The following ASCC1 variants were observed in gnomAD, a reference collection of about 807,000 sequenced individuals.
The protein encoded by ASCC1 is ASC-1 complex subunit P50.
A neutral mutation model predicts 46.6 loss-of-function variants in ASCC1; 35 were observed. That is an observed-to-expected ratio of 0.75 (90% CI 0.57 to 0.99). The LOEUF is 0.99. Among genes scored for constraint, ASCC1 ranks in the 50% least tolerant of loss-of-function variants. ASCC1 has a pLI of 0.00. For synonymous variants in ASCC1, 143 were observed against 146.6 expected, an observed-to-expected ratio of 0.98 and a Z score of 0.18; for missense variants, 376 against 428.7, an observed-to-expected ratio of 0.88 and a Z score of 1.09.
intron 9 of ASCC1, among the ~76,000 whole-genome samples, chr10:72,107,142 G>A (rs182935767): frequency 3.1e-3 from 475 of 151,596 alleles, no homozygotes; most frequent in African/African-American, 0.011. Context: ...TGACTTCAGG[G>A]AGCAAACAGA....
intron 7 of ASCC1, among the ~76,000 whole-genome samples, chr10:72,145,998 G>GAAAAT (rs1411074347): frequency 6.6e-6 from 1 of 152,152 alleles, no homozygotes; most frequent in East Asian, 1.9e-4. Flanking sequence ...CATTCTATTG[G>GAAAAT]AAAATAATGC....
At chr10:72,144,971 TCA>T (rs1847462690) in intron 7 of ASCC1, among the ~76,000 whole-genome samples, 1 of 152,228 alleles carries the variant, frequency 6.6e-6, no homozygotes, top group African/African-American at 2.4e-5. Context: ...TGTGGTTATC[TCA>T]CAGTGGTAAA....
At chr10:72,134,464 A>G (rs1176335589) in intron 7 of ASCC1, 1 of 152,234 alleles carries the variant, frequency 6.6e-6, no homozygotes, top group African/African-American at 2.4e-5. Flanking sequence ...ATAACAAAAA[A>G]CAACCCTCGG....
At chr10:72,178,415 G>A (rs1852136297) in intron 5 of ASCC1, among the ~76,000 whole-genome samples, 2 of 152,196 alleles carry the variant, frequency 1.3e-5, no homozygotes, top group South Asian at 4.1e-4. Flanking sequence ...CCCATGAGCT[G>A]TTTAAAAAGC....
At chr10:72,119,690 C>A (rs938373698) in intron 9 of ASCC1, among the ~76,000 whole-genome samples, 2 of 148,862 alleles carry the variant, frequency 1.3e-5, no homozygotes, top group Non-Finnish European at 1.5e-5. Flanking sequence ...CCAGATTCAA[C>A]AAAAAATTAC....
chr10:72,213,119 C>G, intron 2 of ASCC1, 68 bp downstream of exon 2: 1 of 1,151,226 alleles, frequency 8.7e-7, no homozygotes, highest in East Asian at 2.4e-5. Flanking sequence ...TTAAAACAAA[C>G]AAAAAATTGA....
At chr10:72,182,177 G>C (rs1852724716) in intron 5 of ASCC1, among the ~76,000 whole-genome samples, 1 of 152,148 alleles carries the variant, frequency 6.6e-6, no homozygotes, top group Admixed American at 6.6e-5. Context: ...GACCAAAGTA[G>C]CTTAGGAAGA....
intron 7 of ASCC1, among the ~76,000 whole-genome samples, chr10:72,151,542 T>C (rs1487380870): frequency 3.3e-5 from 5 of 152,084 alleles, no homozygotes; most frequent in Admixed American, 6.6e-5. Context: ...CATGTATACA[T>C]ATGTAACAAA....
At chr10:72,144,071 G>T (rs994398093) in intron 7 of ASCC1, among the ~76,000 whole-genome samples, 1 of 151,592 alleles carries the variant, frequency 6.6e-6, no homozygotes, top group South Asian at 2.1e-4. Flanking sequence ...TCCACCTCCT[G>T]GGTTCAAGCA....
chr10:72,197,207 C>T (rs781228272), intron 4 of ASCC1, among the ~76,000 whole-genome samples: 13 of 152,198 alleles, frequency 8.5e-5, no homozygotes, highest in Middle Eastern at 3.4e-3. Flanking sequence ...CACGGTGGCT[C>T]ATTCCTGTAA....
At chr10:72,207,057 C>T (rs1339675633) in intron 3 of ASCC1, among the ~76,000 whole-genome samples, 1 of 152,172 alleles carries the variant, frequency 6.6e-6, no homozygotes, top group Non-Finnish European at 1.5e-5. Context: ...TAAACCTATA[C>T]TGGCACCTTT....
In ASCC1 at chr10:72,189,444, T is replaced by C. The variant is rs563401639; in HGVS notation, c.489+7367A>G. 1.5e-4 allele frequency among the ~76,000 whole-genome samples: 23 copies of C among 151,718 alleles called. No individual in the cohort carries two copies. In the South Asian group the frequency reaches 4.8e-3, roughly 32 times the overall value. Reference sequence around the variant, plus strand: ...AAAATAAAAAAATATTTGGAGAAGTTCATTTGTCCAAGTCCACATAGACTG... The same window carrying C: ...AAAATAAAAAAATATTTGGAGAAGTCCATTTGTCCAAGTCCACATAGACTG... On this transcript the variant is annotated intron_variant, in intron 5 of 9. Transcript: ENST00000672957.
At chr10:72,102,373 G>A (rs991364199) in intron 9 of ASCC1, 17 of 1,549,918 alleles carry the variant, frequency 1.1e-5, no homozygotes, top group Non-Finnish European at 1.4e-5. Flanking sequence ...TCGATTCTAG[G>A]ATTTTCCTGG....
intron 5 of ASCC1, chr10:72,190,033 C>T (rs1040318080): frequency 4.0e-6 from 3 of 758,726 alleles, no homozygotes; most frequent in South Asian, 2.7e-5. Context: ...GGCAGTACCG[C>T]CAGCTCTCTG....
intron 9 of ASCC1, among the ~76,000 whole-genome samples, chr10:72,122,438 CCACACACTTCTAACCAA>C (rs1420384566): frequency 1.6e-4 from 23 of 147,598 alleles, no homozygotes; most frequent in Non-Finnish European, 4.5e-5. Context: ...AAAAAAAAAC[CCACACACTTCTAACCAA>C]CACACACTTC....
chr10:72,128,636 G>A (rs7098039), intron 8 of ASCC1, among the ~76,000 whole-genome samples: 24,097 of 152,128 alleles, frequency 0.16, 6,044 homozygotes, highest in African/African-American at 0.53. Flanking sequence ...TGATTTAAGG[G>A]CTTCCCCCAG....
intron 5 of ASCC1, 54 bp downstream of exon 5, chr10:72,196,757 T>C (rs979391397): frequency 1.1e-5 from 16 of 1,522,542 alleles, no homozygotes; most frequent in Non-Finnish European, 1.3e-5. Context: ...ACCATTTTTG[T>C]ATTCTTTTTA....
At chr10:72,193,918 TC>T (rs1308582440) in intron 5 of ASCC1, among the ~76,000 whole-genome samples, 2 of 150,718 alleles carry the variant, frequency 1.3e-5, no homozygotes, top group African/African-American at 4.9e-5. Flanking sequence ...CACCGCAAGC[TC>T]CACCTCCCGG....
chr10:72,205,627 T>A (rs1238478852), intron 3 of ASCC1, among the ~76,000 whole-genome samples: 1 of 88,062 alleles, frequency 1.1e-5, no homozygotes, highest in Non-Finnish European at 2.2e-5. Context: ...TGAAACTCCA[T>A]CTCAAAAAAA....
Sources: allele counts gnomAD v4.1 joint callset (sites outside exome capture counted in the v4.1 genomes callset), GRCh38; gene constraint gnomAD v4.1.1; transcripts MANE v1.5; gene names NCBI Gene and HGNC (gene_info 2026-07-23, HGNC 2026-07-21).